Variants in FAM13C observed in about 807,000 individuals in gnomAD.
FAM13C encodes family with sequence similarity 13 member C, also known as protein FAM13C.
FAM13C carries 37 observed loss-of-function variants against 73.2 expected under a neutral mutation model. That is an observed-to-expected ratio of 0.51 (90% confidence interval 0.39 to 0.67). The LOEUF (loss-of-function observed/expected upper bound fraction) is 0.67. FAM13C is among the 30% of genes least tolerant of loss of function. The pLI is 0.00. For synonymous variants in FAM13C, 246 were observed against 260.9 expected, an observed-to-expected ratio of 0.94 and a Z score of 0.55; for missense variants, 589 against 715.6, an observed-to-expected ratio of 0.82 and a Z score of 2.02.
At chr10:59,289,511 A>C (rs1409804703) in intron 5 of FAM13C, among the ~76,000 whole-genome samples, 1 of 152,200 alleles carries the variant, frequency 6.6e-6, no homozygotes, top group Non-Finnish European at 1.5e-5. Context: ...TCCACATGGA[A>C]AGCCAGGCAG....
intron 10 of FAM13C, among the ~76,000 whole-genome samples, chr10:59,260,340 A>G (rs1216713566): frequency 6.6e-6 from 1 of 152,104 alleles, no homozygotes; most frequent in Non-Finnish European, 1.5e-5. Context: ...CCACAGCTTT[A>G]AAGGTTCTGT....
At chr10:59,262,216 C>A (rs937069710) in intron 10 of FAM13C, among the ~76,000 whole-genome samples, 1 of 151,384 alleles carries the variant, frequency 6.6e-6, no homozygotes, top group African/African-American at 2.4e-5. Context: ...TACTTCCTAT[C>A]AACACACAAC....
At chr10:59,288,379 G>C (rs1845836531) in intron 5 of FAM13C, among the ~76,000 whole-genome samples, 1 of 152,166 alleles carries the variant, frequency 6.6e-6, no homozygotes. Context: ...TGTAATCCCA[G>C]CTACTTGGGT....
At chr10:59,301,690 C>G (rs576214399) in intron 5 of FAM13C, among the ~76,000 whole-genome samples, 92 of 152,320 alleles carry the variant, frequency 6.0e-4, no homozygotes, top group African/African-American at 2.1e-3. Flanking sequence ...CAGACAGCTG[C>G]GTTCACTGAT....
chr10:59,253,951 T>G (rs1841664999), intron 11 of FAM13C: 1 of 188,844 alleles, frequency 5.3e-6, no homozygotes. Flanking sequence ...TGTTGCATTA[T>G]ATCAAGAATA....
At chr10:59,321,850 T>C (rs2134011665) in intron 4 of FAM13C, among the ~76,000 whole-genome samples, 1 of 152,246 alleles carries the variant, frequency 6.6e-6, no homozygotes, top group East Asian at 1.9e-4. Flanking sequence ...AGGAGTAAGG[T>C]GGCCTCTTGC....
At chr10:59,274,514 G>T (rs1425911888) in intron 6 of FAM13C, among the ~76,000 whole-genome samples, 2 of 152,096 alleles carry the variant, frequency 1.3e-5, no homozygotes, top group Non-Finnish European at 2.9e-5. Flanking sequence ...TCTATAGATG[G>T]CCACTAGACG....
At position 59,287,664 on chromosome 10, in the gene FAM13C, T is replaced by A. The variant is rs541569660; in HGVS notation, c.508-4217A>T. Among the ~76,000 whole-genome samples, 250 of 152,272 alleles carry A rather than the reference T, an allele frequency of 1.6e-3. 1 individual carries two copies. The highest frequency in any genetic ancestry group is 5.8e-3 in the African/African-American group (243 of 41,568). Reference sequence around the variant, plus strand: ...ATTCTGGGCCTTAATGTCCTCTGTATAAAGGGGCAGTGTTAACAACAACAA... The same window carrying A: ...ATTCTGGGCCTTAATGTCCTCTGTAAAAAGGGGCAGTGTTAACAACAACAA... On this transcript the variant is annotated intron_variant, in intron 5 of 13. Transcript: ENST00000618804.
Position 59,268,695 on chromosome 10 carries a change from C to T in FAM13C, c.804-4G>A. ...GCAGCGTGAAGAACTCCGCGGCCTG[C>T]AGTGATTACAAGGAGGAAGGAGTAT... On this transcript the variant is annotated splice_polypyrimidine_tract_variant and splice_region_variant and intron_variant, in intron 7 of 13. Transcript: ENST00000618804. 1.2e-6 allele frequency: 2 copies of T among 1,610,734 alleles called. No individual in the cohort carries two copies. Among genetic ancestry groups the T allele is most frequent in the African/African-American group, 1.3e-5 (1 of 74,890 alleles).
At chr10:59,278,495 C>A (rs1844568852) in intron 6 of FAM13C, among the ~76,000 whole-genome samples, 1 of 152,100 alleles carries the variant, frequency 6.6e-6, no homozygotes, top group African/African-American at 2.4e-5. Flanking sequence ...GACCATTCAG[C>A]ACTATTGAAC....
intron 5 of FAM13C, among the ~76,000 whole-genome samples, chr10:59,293,625 T>C (rs188707097): frequency 1.4e-4 from 21 of 152,332 alleles, no homozygotes; most frequent in Admixed American, 3.9e-4. Flanking sequence ...ATAAGAAAAT[T>C]CAGCTCTTGT....
intron 5 of FAM13C, chr10:59,296,912 C>A (rs1846983857): frequency 6.6e-6 from 1 of 152,148 alleles, no homozygotes; most frequent in African/African-American, 2.4e-5. Context: ...CTTTAGAATG[C>A]CCTGTAGGGT....
intron 13 of FAM13C, chr10:59,251,298 T>G (rs1280147183): frequency 2.4e-6 from 1 of 418,738 alleles, no homozygotes; most frequent in Non-Finnish European, 4.2e-6. Context: ...AATTCATTTA[T>G]TTATGATGAG....
intron 3 of FAM13C, among the ~76,000 whole-genome samples, chr10:59,329,342 GTTTTTTTTTTTTTTTTT>G (rs71006247): frequency 3.0e-4 from 23 of 77,306 alleles, no homozygotes; most frequent in Non-Finnish European, 4.2e-4. Context: ...TTTCTTTCTG[GTTTTTTTTTTTTTTTTT>G]TTTTTTTTTT....
rs372690982 is a variant in FAM13C, at chr10:59,247,398, T to C, written c.*216A>G. On this transcript the variant is annotated 3_prime_UTR_variant, in exon 14 of 14. Transcript: ENST00000618804. ...GCTTGGCATGGAGGACACTGAATTT[T>C]TTCCCAATTATATGGCTACCTGTTG... The C allele has an allele frequency of 9.1e-5, 49 of 536,794 alleles. 1 individual carries two copies. In the East Asian group the frequency reaches 1.2e-3, roughly 14 times the overall value. 33.3% of individuals were successfully genotyped at this position (536,794 alleles called of 1,614,324 possible).
intron 3 of FAM13C, among the ~76,000 whole-genome samples, chr10:59,334,623 C>T (rs111421927): frequency 0.043 from 6,507 of 152,032 alleles, 459 homozygotes; most frequent in African/African-American, 0.14. Context: ...ATGGATGAAG[C>T]TGGAAACCAT....
chr10:59,250,080 A>G (rs1025472875), intron 13 of FAM13C, among the ~76,000 whole-genome samples: 2 of 152,168 alleles, frequency 1.3e-5, no homozygotes, highest in African/African-American at 2.4e-5. Context: ...TCTCATATGT[A>G]ATGACTGTTT....
chr10:59,337,065 A>G lies in FAM13C; in HGVS notation c.325-12959T>C, dbSNP rs369672646. On this transcript the variant is annotated intron_variant, in intron 3 of 13. Coordinates refer to ENST00000618804, the MANE Select transcript of FAM13C (RefSeq NM_198215.4). ...CTACTTAAATAACTCCCATTTTACTACTTGAGCCAAAAATCATCTCTTGTG... is the reference window on the plus strand; with the variant it reads ...CTACTTAAATAACTCCCATTTTACTGCTTGAGCCAAAAATCATCTCTTGTG... Among the ~76,000 whole-genome samples, 283 of 152,288 alleles carry G rather than the reference A, an allele frequency of 1.9e-3. 1 individual carries two copies. Among genetic ancestry groups the G allele is most frequent in the African/African-American group, 6.1e-3 (253 of 41,534 alleles).
Position 59,348,962 on chromosome 10 carries a change from G to GT in FAM13C, c.324+3307dup, listed in dbSNP as rs200776795. On this transcript the variant is annotated intron_variant, in intron 3 of 13. Transcript: ENST00000618804. ...TCTTTTAAGAGTATTATATCTTGAG[G>GT]TTTTTTTTCTCTGTAAAAACTATAT... 5.8e-3 allele frequency among the ~76,000 whole-genome samples: 885 copies of GT among 151,848 alleles called. 12 individuals carry two copies. The highest frequency in any genetic ancestry group is 0.02 in the African/African-American group (844 of 41,396).
Sources: allele counts gnomAD v4.1 joint callset (sites outside exome capture counted in the v4.1 genomes callset), GRCh38; gene constraint gnomAD v4.1.1; transcripts MANE v1.5; gene names NCBI Gene and HGNC (gene_info 2026-07-23, HGNC 2026-07-21).